Variants in AFG2A observed in about 807,000 individuals in gnomAD.
The protein encoded by AFG2A is ATPase family gene 2 protein homolog A.
chr4:123,229,369 T>C, the AFG2A span, among the ~76,000 whole-genome samples: 2 of 152,110 alleles, frequency 1.3e-5, no homozygotes, highest in Admixed American at 1.3e-4. Flanking sequence ...ATTGCAGAGG[T>C]TGAAGAGAGC....
chr4:123,008,109 C>T, the AFG2A span, among the ~76,000 whole-genome samples: 131 of 152,220 alleles, frequency 8.6e-4, no homozygotes, highest in Middle Eastern at 3.4e-3. Context: ...TTATTTGGCT[C>T]ATGGTTCTGC....
At chr4:123,041,734 G>C in the AFG2A span, among the ~76,000 whole-genome samples, 2 of 150,862 alleles carry the variant, frequency 1.3e-5, no homozygotes, top group African/African-American at 4.9e-5. Flanking sequence ...CTCCATGTTG[G>C]TCAGGCTGGT....
chr4:122,979,958 A>G, the AFG2A span, among the ~76,000 whole-genome samples: 1 of 152,226 alleles, frequency 6.6e-6, no homozygotes, highest in South Asian at 2.1e-4. Context: ...GGATACCCCT[A>G]TTGATACAAT....
chr4:122,936,959 G>A, the AFG2A span, among the ~76,000 whole-genome samples: 2 of 152,062 alleles, frequency 1.3e-5, no homozygotes, highest in Non-Finnish European at 2.9e-5. Flanking sequence ...CAGCATGGGG[G>A]ACAAGAGCGA....
chr4:122,962,024 A>C, the AFG2A span, among the ~76,000 whole-genome samples: 3 of 152,206 alleles, frequency 2.0e-5, no homozygotes, highest in Non-Finnish European at 2.9e-5. Flanking sequence ...ATCCGGATGA[A>C]ACTGTTCCAC....
chr4:123,249,955 T>C, the AFG2A span, among the ~76,000 whole-genome samples: 4 of 152,166 alleles, frequency 2.6e-5, no homozygotes, highest in African/African-American at 9.7e-5. Flanking sequence ...TCTGGAACTA[T>C]TCTCTCCATG....
the AFG2A span, among the ~76,000 whole-genome samples, chr4:123,311,671 A>G: frequency 4.0e-5 from 6 of 150,342 alleles, no homozygotes; most frequent in African/African-American, 1.2e-4. Flanking sequence ...GAGAAAATCT[A>G]TAGAAGCAAA....
At chr4:122,970,841 A>C in the AFG2A span, among the ~76,000 whole-genome samples, 1 of 147,752 alleles carries the variant, frequency 6.8e-6, no homozygotes, top group African/African-American at 2.5e-5. Flanking sequence ...AGTAAAAAAA[A>C]ATTTTTTTTT....
the AFG2A span, among the ~76,000 whole-genome samples, chr4:123,250,005 G>T: frequency 1.3e-5 from 2 of 151,998 alleles, no homozygotes; most frequent in Admixed American, 6.6e-5. Flanking sequence ...AAGTATAAAG[G>T]CTCAGTGCTG....
At chr4:123,024,880 A>G in the AFG2A span, among the ~76,000 whole-genome samples, 1 of 152,278 alleles carries the variant, frequency 6.6e-6, no homozygotes, top group Non-Finnish European at 1.5e-5. Flanking sequence ...TTCTGGGTTA[A>G]ATGGTGGCAG....
the AFG2A span, among the ~76,000 whole-genome samples, chr4:122,985,202 C>T: frequency 0.44 from 65,482 of 149,950 alleles, 16,918 homozygotes; most frequent in Non-Finnish European, 0.57. Flanking sequence ...CTCGGCTCAT[C>T]GCAACCTCTG....
the AFG2A span, among the ~76,000 whole-genome samples, chr4:123,196,234 A>C: frequency 1.3e-3 from 164 of 127,606 alleles, no homozygotes; most frequent in African/African-American, 4.5e-3. Context: ...TGGTCTTGAT[A>C]TCCTGACCTC....
chr4:123,226,771 T>C, the AFG2A span, among the ~76,000 whole-genome samples: 1 of 152,212 alleles, frequency 6.6e-6, no homozygotes, highest in Non-Finnish European at 1.5e-5. Context: ...ATTGGAATAG[T>C]TTCAGAAGGA....
At chr4:123,055,566 A>G in the AFG2A span, among the ~76,000 whole-genome samples, 2 of 152,188 alleles carry the variant, frequency 1.3e-5, no homozygotes, top group Admixed American at 6.5e-5. Context: ...AAAAATTAAT[A>G]TAAATTGTTT....
the AFG2A span, among the ~76,000 whole-genome samples, chr4:123,299,335 T>C: frequency 4.6e-5 from 7 of 152,196 alleles, no homozygotes; most frequent in Non-Finnish European, 1.0e-4. Context: ...TGGTTTCATT[T>C]CCAGTTAGTT....
chr4:123,306,021 C>A, the AFG2A span, among the ~76,000 whole-genome samples: 1 of 152,230 alleles, frequency 6.6e-6, no homozygotes, highest in South Asian at 2.1e-4. Context: ...ACACTGCTCA[C>A]AAGTGGAGCT....
the AFG2A span, among the ~76,000 whole-genome samples, chr4:123,159,712 G>A: frequency 6.6e-6 from 1 of 152,110 alleles, no homozygotes; most frequent in African/African-American, 2.4e-5. Flanking sequence ...ACCGGGAGGT[G>A]CAGGAAGTGA....
the AFG2A span, among the ~76,000 whole-genome samples, chr4:123,039,967 T>G: frequency 7.2e-5 from 11 of 152,104 alleles, no homozygotes; most frequent in African/African-American, 2.4e-4. Flanking sequence ...AGTACTCCAT[T>G]TTATGAGGAC....
At chr4:123,291,810 C>T in the AFG2A span, among the ~76,000 whole-genome samples, 1 of 152,174 alleles carries the variant, frequency 6.6e-6, no homozygotes, top group Admixed American at 6.5e-5. Context: ...TTCCTTCATT[C>T]ACATTGACGT....
Sources: allele counts gnomAD v4.1 joint callset (sites outside exome capture counted in the v4.1 genomes callset), GRCh38; gene constraint gnomAD v4.1.1; transcripts MANE v1.5; gene names NCBI Gene and HGNC (gene_info 2026-07-23, HGNC 2026-07-21).